The following ATP11A variants were observed in gnomAD, a reference collection of about 807,000 sequenced individuals.
ATP11A encodes the protein phospholipid-transporting ATPase IH.
A neutral mutation model predicts 154.4 loss-of-function variants in ATP11A; 81 were observed. The ratio of observed to expected loss-of-function variants is 0.52; its 90% confidence interval spans 0.44 to 0.63. The LOEUF (loss-of-function observed/expected upper bound fraction) is 0.63. ATP11A is among the 30% of genes least tolerant of loss of function. ATP11A has a pLI of 0.00. For synonymous variants in ATP11A, 623 were observed against 585.9 expected, an observed-to-expected ratio of 1.06 and a Z score of -0.91; for missense variants, 1,316 against 1,474.3, an observed-to-expected ratio of 0.89 and a Z score of 1.76.
intron 17 of ATP11A, among the ~76,000 whole-genome samples, chr13:112,849,781 A>G (rs2079710265): frequency 6.6e-6 from 1 of 152,238 alleles, no homozygotes; most frequent in Non-Finnish European, 1.5e-5. Context: ...GTGCCTAACA[A>G]TAGAGGCAAA....
chr13:112,823,659 C>T (rs530816164), intron 9 of ATP11A, among the ~76,000 whole-genome samples: 33 of 152,300 alleles, frequency 2.2e-4, no homozygotes, highest in African/African-American at 7.7e-4. Flanking sequence ...ACATTGCATC[C>T]GTGAAGGAAT....
chr13:112,868,588 A>G (rs2080414406), intron 25 of ATP11A, among the ~76,000 whole-genome samples: 1 of 152,224 alleles, frequency 6.6e-6, no homozygotes, highest in African/African-American at 2.4e-5. Flanking sequence ...TTCACTGGGG[A>G]TGGCGTTGAT....
chr13:112,865,918 T>G (rs181188643), intron 25 of ATP11A, among the ~76,000 whole-genome samples: 8 of 152,368 alleles, frequency 5.3e-5, no homozygotes, highest in Admixed American at 5.2e-4. Flanking sequence ...TACCTAGTGG[T>G]ACCATTATAC....
chr13:112,694,957 T>C (rs1399801283), intron 1 of ATP11A, among the ~76,000 whole-genome samples: 1 of 152,262 alleles, frequency 6.6e-6, no homozygotes, highest in Non-Finnish European at 1.5e-5. Flanking sequence ...TGCATACATA[T>C]CTGCTTCTTT....
rs558714950 is a variant in ATP11A at position 112,763,034 on chromosome 13, G to A, written c.40-22101G>A. ...AAAAGCATTTGACAGACGCAGAAAA[G>A]CGCATCCCTGAGCAGCCCTGCGCGG... On this transcript the variant is annotated intron_variant, in intron 1 of 29. Transcript: ENST00000375645. Among the ~76,000 whole-genome samples, 5 of 152,366 alleles carry A rather than the reference G, an allele frequency of 3.3e-5. No homozygotes were observed. In the East Asian group the frequency reaches 7.7e-4, roughly 24 times the overall value.
intron 5 of ATP11A, 36 bp downstream of exon 5, chr13:112,810,762 C>T: frequency 1.3e-6 from 2 of 1,575,680 alleles, no homozygotes; most frequent in Non-Finnish European, 1.7e-6. Flanking sequence ...CTGGTGAAGT[C>T]CAGTAACTGT....
intron 1 of ATP11A, among the ~76,000 whole-genome samples, chr13:112,749,966 T>C (rs7986366): frequency 4.1e-4 from 26 of 63,026 alleles, no homozygotes; most frequent in Admixed American, 8.2e-4. Flanking sequence ...CGTGGGGACA[T>C]GCCTGCTGAA....
chr13:112,799,091 T>G (rs547131709), intron 2 of ATP11A, among the ~76,000 whole-genome samples: 50 of 152,184 alleles, frequency 3.3e-4, no homozygotes, highest in African/African-American at 1.2e-3. Flanking sequence ...AACAAAGAGG[T>G]CAGTTCTCCA....
At chr13:112,743,513 A>G in intron 1 of ATP11A, among the ~76,000 whole-genome samples, 1 of 149,282 alleles carries the variant, frequency 6.7e-6, no homozygotes. Context: ...TTGACGGCAT[A>G]GGCAGGTGTT....
intron 1 of ATP11A, among the ~76,000 whole-genome samples, chr13:112,765,150 C>G (rs529228887): frequency 5.3e-5 from 3 of 56,552 alleles, no homozygotes; most frequent in East Asian, 5.9e-4. Context: ...CTTGCCCCCC[C>G]TCCCCCCCGC....
intron 6 of ATP11A, among the ~76,000 whole-genome samples, chr13:112,816,557 A>G (rs1488825016): frequency 1.3e-5 from 2 of 152,234 alleles, no homozygotes; most frequent in Non-Finnish European, 2.9e-5. Flanking sequence ...AGGAGCAGCC[A>G]TAACCTACTC....
chr13:112,843,835 G>A (rs1247521445), intron 17 of ATP11A, among the ~76,000 whole-genome samples: 2 of 152,154 alleles, frequency 1.3e-5, no homozygotes, highest in African/African-American at 2.4e-5. Context: ...TCATCTTTAC[G>A]TTGCTATTAA....
intron 1 of ATP11A, among the ~76,000 whole-genome samples, chr13:112,780,951 C>A (rs1051072826): frequency 6.6e-6 from 1 of 152,156 alleles, no homozygotes; most frequent in African/African-American, 2.4e-5. Flanking sequence ...GGTCTCCATC[C>A]TCCTGCCCTG....
At chr13:112,728,835 G>T (rs1159335944) in intron 1 of ATP11A, among the ~76,000 whole-genome samples, 1 of 152,142 alleles carries the variant, frequency 6.6e-6, no homozygotes, top group Non-Finnish European at 1.5e-5. Flanking sequence ...TTTATGGAAT[G>T]GATATACAAA....
chr13:112,812,887 G>C (rs2078541688), intron 5 of ATP11A, among the ~76,000 whole-genome samples: 2 of 152,184 alleles, frequency 1.3e-5, no homozygotes, highest in Non-Finnish European at 2.9e-5. Flanking sequence ...TCCGGTCCCA[G>C]GCCTTCAACG....
intron 2 of ATP11A, among the ~76,000 whole-genome samples, chr13:112,800,238 C>A (rs575258695): frequency 6.7e-6 from 1 of 149,270 alleles, no homozygotes; most frequent in Non-Finnish European, 1.5e-5. Flanking sequence ...TCAATAAAAT[C>A]AATAAAACTT....
intron 14 of ATP11A, among the ~76,000 whole-genome samples, chr13:112,834,342 C>T (rs1458006305): frequency 6.6e-6 from 1 of 152,218 alleles, no homozygotes; most frequent in African/African-American, 2.4e-5. Flanking sequence ...CAAGAATGTG[C>T]CTCACTGCTG....
intron 1 of ATP11A, among the ~76,000 whole-genome samples, chr13:112,781,857 T>C (rs140797149): frequency 2.4e-3 from 357 of 151,842 alleles, no homozygotes; most frequent in African/African-American, 8.2e-3. Flanking sequence ...TGGTTTGAAG[T>C]GTGAACCTGA....
Position 112,883,708 on chromosome 13 carries a change from T to TGTCCCGAGGGGCCAGCCGCAGGC in ATP11A, c.*1848_*1870dup, listed in dbSNP as rs1391301149. On this transcript the variant is annotated 3_prime_UTR_variant, in exon 30 of 30. Coordinates refer to ENST00000375645, the MANE Select transcript of ATP11A (RefSeq NM_015205.3). ...AGACAGAACGGGGAAGACTCCACTC[T>TGTCCCGAGGGGCCAGCCGCAGGC]GTCCCGAGGGGCCAGCCGCAGGCGT... 1.8e-4 allele frequency: 27 copies of TGTCCCGAGGGGCCAGCCGCAGGC among 152,654 alleles called. No individual in the cohort carries two copies. Among genetic ancestry groups the TGTCCCGAGGGGCCAGCCGCAGGC allele is most frequent in the Non-Finnish European group, 3.4e-4 (23 of 68,062 alleles). The allele number at this position is 152,654 out of a possible 1,614,324, so 9.5% of individuals were successfully genotyped here. A position where few individuals can be genotyped will look rare whatever the true frequency, so the allele number is the denominator to read the frequency against.
Sources: allele counts gnomAD v4.1 joint callset (sites outside exome capture counted in the v4.1 genomes callset), GRCh38; gene constraint gnomAD v4.1.1; transcripts MANE v1.5; gene names NCBI Gene and HGNC (gene_info 2026-07-23, HGNC 2026-07-21).